ANK3: variants seen among roughly 807,000 people sequenced by gnomAD.
The protein encoded by ANK3 is ankyrin 3.
Under a neutral mutation model 370.9 loss-of-function variants are expected in ANK3, and 57 were observed. The ratio of observed to expected loss-of-function variants is 0.15; its 90% CI spans 0.12 to 0.19. ANK3 has a LOEUF of 0.19. Among genes scored for constraint, ANK3 ranks in the 10% least tolerant of loss-of-function variants. The probability of loss-of-function intolerance (pLI) is 1.00; values close to 1 mark genes in which losing one functional copy is unlikely to be tolerated. For missense variants in ANK3, 4,439 were observed against 5,302.1 expected (o/e 0.84, Z 5.06); for synonymous variants, 1,929 against 1,946.3 (o/e 0.99, Z 0.23).
At chr10:60,370,832 TC>T (rs2060008934) in intron 1 of ANK3, among the ~76,000 whole-genome samples, 1 of 152,148 alleles carries the variant, frequency 6.6e-6, no homozygotes. Context: ...CTCTGAAAAC[TC>T]AAGCTAAACA....
chr10:60,030,931 T>G (rs1399306482), intron 43 of ANK3, among the ~76,000 whole-genome samples: 2 of 152,186 alleles, frequency 1.3e-5, no homozygotes, highest in Admixed American at 1.3e-4. Flanking sequence ...GGGAAGCCAT[T>G]TGTAGCCCTT....
At chr10:60,119,007 C>T (rs553942698) in intron 25 of ANK3, among the ~76,000 whole-genome samples, 6 of 152,136 alleles carry the variant, frequency 3.9e-5, no homozygotes, top group Non-Finnish European at 5.9e-5. Flanking sequence ...TGTTGTAACA[C>T]GAACAAATCT....
chr10:60,324,056 G>C (rs2049249403), intron 1 of ANK3, among the ~76,000 whole-genome samples: 1 of 152,150 alleles, frequency 6.6e-6, no homozygotes, highest in South Asian at 2.1e-4. Flanking sequence ...TATAAAGAGG[G>C]ACACAGAAAA....
intron 2 of ANK3, among the ~76,000 whole-genome samples, chr10:60,528,174 T>C (rs1249296977): frequency 6.7e-6 from 1 of 149,772 alleles, no homozygotes; most frequent in Non-Finnish European, 1.5e-5. Flanking sequence ...TTGGCTCTTG[T>C]TGCCCAGGCT....
At chr10:60,313,908 C>T (rs2046874115) in intron 1 of ANK3, among the ~76,000 whole-genome samples, 1 of 150,986 alleles carries the variant, frequency 6.6e-6, no homozygotes, top group Admixed American at 6.6e-5. Flanking sequence ...TACCCTTGTC[C>T]CTGCCTCTGT....
At chr10:60,304,255 AACAC>A (rs55989975) in intron 1 of ANK3, among the ~76,000 whole-genome samples, 141 of 149,234 alleles carry the variant, frequency 9.4e-4, no homozygotes, top group African/African-American at 1.1e-3. Context: ...AATTGTTCAT[AACAC>A]ACACACACAC....
At chr10:60,228,134 T>C (rs1214008845) in intron 8 of ANK3, among the ~76,000 whole-genome samples, 2 of 152,186 alleles carry the variant, frequency 1.3e-5, no homozygotes, top group African/African-American at 4.8e-5. Flanking sequence ...TATTACGCCA[T>C]CATAGTTTGT....
intron 6 of ANK3, among the ~76,000 whole-genome samples, chr10:60,263,390 T>C: frequency 6.6e-6 from 1 of 152,358 alleles, no homozygotes; most frequent in East Asian, 1.9e-4. Context: ...TGGGAATTTT[T>C]GGCTGCGGCT....
chr10:60,540,914 T>C (rs2076832912), intron 2 of ANK3, among the ~76,000 whole-genome samples: 1 of 151,958 alleles, frequency 6.6e-6, no homozygotes, highest in East Asian at 1.9e-4. Context: ...TGTAGAAATA[T>C]TTGCAACAGC....
intron 1 of ANK3, among the ~76,000 whole-genome samples, chr10:60,708,597 T>C (rs1318464269): frequency 6.6e-6 from 1 of 152,142 alleles, no homozygotes; most frequent in Non-Finnish European, 1.5e-5. Context: ...TTTTCCTTAA[T>C]AAAGAGTTTC....
At chr10:60,674,148 A>G (rs1277627873) in intron 1 of ANK3, among the ~76,000 whole-genome samples, 2 of 152,206 alleles carry the variant, frequency 1.3e-5, no homozygotes, top group Non-Finnish European at 2.9e-5. Context: ...TTGTGTCTTC[A>G]TTCCAATAAT....
intron 1 of ANK3, among the ~76,000 whole-genome samples, chr10:60,672,465 A>G (rs2079073916): frequency 6.6e-6 from 1 of 152,206 alleles, no homozygotes; most frequent in Non-Finnish European, 1.5e-5. Flanking sequence ...TAAAAACTAC[A>G]TAAAGTTCCC....
chr10:60,321,495 T>C (rs1055631787), intron 1 of ANK3, among the ~76,000 whole-genome samples: 11 of 152,306 alleles, frequency 7.2e-5, no homozygotes, highest in African/African-American at 2.6e-4. Flanking sequence ...CAGGTAAATA[T>C]ATGTGGACAT....
intron 2 of ANK3, among the ~76,000 whole-genome samples, chr10:60,454,142 T>C (rs1019151668): frequency 6.6e-6 from 1 of 152,342 alleles, no homozygotes; most frequent in East Asian, 1.9e-4. Context: ...TACATTTTTG[T>C]TCATCTACTA....
intron 1 of ANK3, among the ~76,000 whole-genome samples, chr10:60,716,523 T>A (rs775079546): frequency 7.2e-5 from 11 of 151,946 alleles, no homozygotes; most frequent in African/African-American, 2.7e-4. Context: ...AAAAAAAAAA[T>A]TTAGGCAATT....
chr10:60,119,977 G>A (rs996158645), intron 25 of ANK3, among the ~76,000 whole-genome samples: 2 of 151,858 alleles, frequency 1.3e-5, no homozygotes, highest in Admixed American at 1.3e-4. Context: ...AAATGTATGT[G>A]GAACTACAAA....
chr10:60,256,496 C>G (rs2097737778), intron 7 of ANK3, among the ~76,000 whole-genome samples: 1 of 152,154 alleles, frequency 6.6e-6, no homozygotes, highest in Admixed American at 6.6e-5. Context: ...AAAATAATCT[C>G]AACCTTTATA....
intron 2 of ANK3, among the ~76,000 whole-genome samples, chr10:60,592,495 C>A (rs1427832025): frequency 2.0e-5 from 3 of 152,170 alleles, no homozygotes; most frequent in Non-Finnish European, 4.4e-5. Context: ...CATGGTAGCT[C>A]ACGCCTGTAA....
intron 2 of ANK3, among the ~76,000 whole-genome samples, chr10:60,592,421 G>A (rs1395503495): frequency 6.6e-6 from 1 of 152,186 alleles, no homozygotes; most frequent in African/African-American, 2.4e-5. Context: ...AGCAAGGCAT[G>A]GAGAGATTGG....
Sources: allele counts gnomAD v4.1 joint callset (sites outside exome capture counted in the v4.1 genomes callset), GRCh38; gene constraint gnomAD v4.1.1; transcripts MANE v1.5; gene names NCBI Gene and HGNC (gene_info 2026-07-23, HGNC 2026-07-21).